Variants in NT5DC1 observed in about 807,000 individuals in gnomAD.
The protein encoded by NT5DC1 is 5'-nucleotidase domain containing 1.
A neutral mutation model predicts 59.4 loss-of-function variants in NT5DC1; 42 were observed. That is an observed-to-expected ratio of 0.71 (90% CI 0.55 to 0.92). NT5DC1 has a LOEUF of 0.92. Ranked by LOEUF, NT5DC1 falls within the 40% of genes least tolerant of loss-of-function variation. NT5DC1 has a pLI of 0.00. For missense variants in NT5DC1, 501 were observed against 537.1 expected, an observed-to-expected ratio of 0.93 and a Z score of 0.66; for synonymous variants, 172 against 188.1, an observed-to-expected ratio of 0.91 and a Z score of 0.70.
At chr6:116,210,285 A>G (rs1781548601) in intron 6 of NT5DC1, among the ~76,000 whole-genome samples, 1 of 151,984 alleles carries the variant, frequency 6.6e-6, no homozygotes, top group African/African-American at 2.4e-5. Flanking sequence ...TTGATTTGTC[A>G]AAATTTATCC....
chr6:116,237,879 G>A (rs1444729578), intron 9 of NT5DC1, among the ~76,000 whole-genome samples: 3 of 152,110 alleles, frequency 2.0e-5, no homozygotes, highest in Non-Finnish European at 4.4e-5. Context: ...ATTAATAATT[G>A]TAAACATCTA....
At chr6:116,144,218 A>C (rs1349663419) in intron 6 of NT5DC1, among the ~76,000 whole-genome samples, 1 of 152,110 alleles carries the variant, frequency 6.6e-6, no homozygotes, top group East Asian at 1.9e-4. Context: ...AAAGTGTAAA[A>C]GGAGGCCAGG....
intron 6 of NT5DC1, among the ~76,000 whole-genome samples, chr6:116,128,082 A>C (rs150922286): frequency 6.6e-6 from 1 of 152,096 alleles, no homozygotes; most frequent in Non-Finnish European, 1.5e-5. Flanking sequence ...TATTAGAGAC[A>C]CAAAAAAATC....
chr6:116,245,142 C>T lies in NT5DC1; in HGVS notation c.*1118C>T, dbSNP rs940669013. 3 of 152,046 alleles carry T rather than the reference C, an allele frequency of 2.0e-5. No individual in the cohort carries two copies. Among genetic ancestry groups the T allele is most frequent in the Admixed American group, 6.6e-5 (1 of 15,262 alleles). 9.4% of individuals were successfully genotyped at this position (152,046 alleles called of 1,614,324 possible). ...TGGGTTTTACAGGCATGCTACAATCCAGGACTGTGGTGTTCTATGTGCCGT... is the reference window on the plus strand; with the variant it reads ...TGGGTTTTACAGGCATGCTACAATCTAGGACTGTGGTGTTCTATGTGCCGT... On this transcript the variant is annotated 3_prime_UTR_variant, in exon 12 of 12. Coordinates refer to ENST00000319550, the MANE Select transcript of NT5DC1 (RefSeq NM_152729.3).
chr6:116,121,259 G>A (rs773160959), intron 6 of NT5DC1: 1 of 1,613,796 alleles, frequency 6.2e-7, no homozygotes, highest in South Asian at 1.1e-5. Context: ...TATTCCTGGA[G>A]CCCCAGGGAG....
intron 6 of NT5DC1, among the ~76,000 whole-genome samples, chr6:116,170,437 G>A (rs1047693486): frequency 5.3e-5 from 8 of 152,226 alleles, no homozygotes; most frequent in African/African-American, 1.7e-4. Context: ...TTTTCCAACA[G>A]GGAAAGTACC....
chr6:116,147,160 A>G (rs893211373), intron 6 of NT5DC1, among the ~76,000 whole-genome samples: 6 of 151,836 alleles, frequency 4.0e-5, no homozygotes, highest in African/African-American at 1.5e-4. Context: ...ACAAACTGGG[A>G]CCAGGCATGG....
chr6:116,119,311 CTT>C (rs1176486083), intron 6 of NT5DC1: 1 of 152,478 alleles, frequency 6.6e-6, no homozygotes, highest in Non-Finnish European at 1.5e-5. Flanking sequence ...ATTAATCACA[CTT>C]GTGTTAACTA....
chr6:116,148,623 G>T (rs1779955513), intron 6 of NT5DC1, among the ~76,000 whole-genome samples: 1 of 151,788 alleles, frequency 6.6e-6, no homozygotes. Context: ...AGAACATCAG[G>T]TTTTTTTTGG....
intron 11 of NT5DC1, among the ~76,000 whole-genome samples, chr6:116,242,097 G>A (rs1345116715): frequency 6.6e-6 from 1 of 151,896 alleles, no homozygotes; most frequent in Non-Finnish European, 1.5e-5. Context: ...GGCAGGGCAC[G>A]GTAGCTCAAC....
chr6:116,142,019 A>C (rs568279244), intron 6 of NT5DC1, among the ~76,000 whole-genome samples: 11 of 152,086 alleles, frequency 7.2e-5, no homozygotes, highest in Non-Finnish European at 1.6e-4. Context: ...AAACTCAAAA[A>C]AAAGATTTGT....
chr6:116,134,454 T>G (rs370659679), intron 6 of NT5DC1, among the ~76,000 whole-genome samples: 1 of 152,228 alleles, frequency 6.6e-6, no homozygotes, highest in East Asian at 1.9e-4. Context: ...TTATTTATTA[T>G]TGAAAATCCA....
At position 116,134,347 on chromosome 6, in the gene NT5DC1, ACTT is replaced by A. The variant is rs538997962; in HGVS notation, c.529+16406_529+16408del. ...ACACCAAAGCCTCTTATGGCCTCTG[ACTT>A]CTTTAGTGTCTGTGTGAATCTATCT... On this transcript the variant is annotated intron_variant, in intron 6 of 11. Coordinates refer to ENST00000319550, the MANE Select transcript of NT5DC1 (RefSeq NM_152729.3). Among the ~76,000 whole-genome samples the A allele has an allele frequency of 4.6e-5, 7 of 152,228 alleles. No homozygotes were observed. In the South Asian group the frequency reaches 1.5e-3, roughly 32 times the overall value.
intron 6 of NT5DC1, among the ~76,000 whole-genome samples, chr6:116,157,232 TC>T (rs982708964): frequency 6.6e-6 from 1 of 152,160 alleles, no homozygotes; most frequent in Admixed American, 6.6e-5. Flanking sequence ...AAATGAGGAT[TC>T]CCCCCCATAT....
At chr6:116,180,503 G>T (rs558675448) in intron 6 of NT5DC1, among the ~76,000 whole-genome samples, 7 of 152,200 alleles carry the variant, frequency 4.6e-5, no homozygotes, top group African/African-American at 1.4e-4. Context: ...GAAACTTCAT[G>T]AATGGAGAAG....
At chr6:116,208,468 G>A (rs1781504526) in intron 6 of NT5DC1, among the ~76,000 whole-genome samples, 1 of 152,020 alleles carries the variant, frequency 6.6e-6, no homozygotes, top group Non-Finnish European at 1.5e-5. Flanking sequence ...TTACCTGGAG[G>A]CATCTTTGTT....
chr6:116,151,552 A>G (rs1780038368), intron 6 of NT5DC1, among the ~76,000 whole-genome samples: 1 of 152,216 alleles, frequency 6.6e-6, no homozygotes, highest in Non-Finnish European at 1.5e-5. Context: ...CTATTAAGTA[A>G]TGTATATATG....
rs982877757 is a variant in NT5DC1 at position 116,126,881 on chromosome 6, T to C, written c.529+8936T>C. Among the ~76,000 whole-genome samples the C allele has an allele frequency of 3.9e-5, 6 of 152,162 alleles. No individual in the cohort carries two copies. In the South Asian group the frequency reaches 1.2e-3, roughly 32 times the overall value. ...AAAATATTATTGGCTTAACTTGCAG[T>C]TAGGAATCATCCCAATTAGAAACAC... On this transcript the variant is annotated intron_variant, in intron 6 of 11. Coordinates refer to ENST00000319550, the MANE Select transcript of NT5DC1 (RefSeq NM_152729.3).
intron 1 of NT5DC1, among the ~76,000 whole-genome samples, chr6:116,103,062 G>T (rs921969601): frequency 6.6e-6 from 1 of 152,166 alleles, no homozygotes; most frequent in African/African-American, 2.4e-5. Flanking sequence ...AGCACATGCT[G>T]CATGATATTA....
Sources: gnomAD v4.1 joint callset for allele counts (sites outside exome capture counted in the v4.1 genomes callset) on GRCh38, gnomAD v4.1.1 for gene constraint, MANE v1.5 for transcripts, NCBI Gene and HGNC (gene_info 2026-07-23, HGNC 2026-07-21) for gene names.